BTG4: variants seen among roughly 807,000 people sequenced by gnomAD.
BTG4 encodes BTG anti-proliferation factor 4.
BTG4 carries 10 observed loss-of-function variants against 19.3 expected under a neutral mutation model. That is an observed-to-expected ratio of 0.52 (90% CI 0.32 to 0.88). The LOEUF (loss-of-function observed/expected upper bound fraction) is 0.88. Among genes scored for constraint, BTG4 ranks in the 40% least tolerant of loss-of-function variants. The pLI is 0.04. For synonymous variants in BTG4, 91 were observed against 95.7 expected (o/e 0.95, Z 0.29); for missense variants, 238 against 281.9 (o/e 0.84, Z 1.11).
chr11:111,456,255 C>G, the BTG4 span, among the ~76,000 whole-genome samples: 2 of 152,276 alleles, frequency 1.3e-5, no homozygotes, highest in Admixed American at 6.5e-5. The surrounding 1 kb of genome is among the most constrained non-coding windows in gnomAD (Gnocchi z 4.2). Flanking sequence ...CCGTAGCCCC[C>G]CTGTAGGCTG....
chr11:111,500,075 G>A (rs1012106020), intron 1 of BTG4, among the ~76,000 whole-genome samples: 4 of 151,936 alleles, frequency 2.6e-5, no homozygotes, highest in African/African-American at 9.7e-5. Context: ...CCAGGAGGTG[G>A]AGGATGCAGT....
the BTG4 span, among the ~76,000 whole-genome samples, chr11:111,459,311 C>G: frequency 6.6e-6 from 1 of 152,104 alleles, no homozygotes; most frequent in Non-Finnish European, 1.5e-5. Flanking sequence ...TCTACAGAGT[C>G]CTGAGTTCAG....
chr11:111,490,929 A>C (rs1295710333), downstream of BTG4, among the ~76,000 whole-genome samples: 5 of 152,232 alleles, frequency 3.3e-5, no homozygotes, highest in East Asian at 7.7e-4. Flanking sequence ...CACATTGTCT[A>C]CACAAATGTT....
At chr11:111,473,881 C>T (rs1386005006) in intron 5 of BTG4, among the ~76,000 whole-genome samples, 3 of 152,122 alleles carry the variant, frequency 2.0e-5, no homozygotes, top group African/African-American at 7.2e-5. Flanking sequence ...GGGTTTCTTC[C>T]ACTACACCAC....
At chr11:111,481,259 T>C (rs1292006465) in intron 5 of BTG4, among the ~76,000 whole-genome samples, 24 of 151,904 alleles carry the variant, frequency 1.6e-4, no homozygotes, top group Admixed American at 1.4e-3. Flanking sequence ...ATTTAAATAA[T>C]CCTAAAACTA....
intron 1 of BTG4, among the ~76,000 whole-genome samples, chr11:111,507,138 G>A (rs940523948): frequency 1.7e-4 from 26 of 151,456 alleles, no homozygotes; most frequent in Middle Eastern, 3.5e-3. Context: ...AGCAGACACA[G>A]AGTGATGTTT....
chr11:111,486,937 C>A (rs1034155310), intron 5 of BTG4, among the ~76,000 whole-genome samples: 3 of 151,952 alleles, frequency 2.0e-5, no homozygotes, highest in African/African-American at 7.3e-5. Flanking sequence ...ATTAAGCCCC[C>A]CATGCATTAG....
At chr11:111,458,049 T>C in the BTG4 span, 1 of 152,786 alleles carries the variant, frequency 6.5e-6, no homozygotes, top group Non-Finnish European at 1.5e-5. Context: ...GTGATTGCAG[T>C]GCTTCAGCCG....
chr11:111,481,476 ATATATT>A (rs1565450672), intron 5 of BTG4, among the ~76,000 whole-genome samples: 1 of 151,846 alleles, frequency 6.6e-6, no homozygotes. Flanking sequence ...ATATTGTACT[ATATATT>A]TATAGTATTA....
chr11:111,388,543 G>A, the BTG4 span, among the ~76,000 whole-genome samples: 1 of 152,072 alleles, frequency 6.6e-6, no homozygotes, highest in East Asian at 1.9e-4. Context: ...AACATCCTTT[G>A]TCTAGCTAAA....
chr11:111,461,202 T>C, the BTG4 span, among the ~76,000 whole-genome samples: 177 of 152,276 alleles, frequency 1.2e-3, 1 homozygote, highest in Admixed American at 2.6e-3. Flanking sequence ...GAAACTGTGA[T>C]AAAAGGTATG....
At chr11:111,455,211 G>C in the BTG4 span, 1 of 377,990 alleles carries the variant, frequency 2.6e-6, no homozygotes. Context: ...TGGCCCTAAA[G>C]CTCTTACCTA....
At chr11:111,391,922 C>G in the BTG4 span, among the ~76,000 whole-genome samples, 6 of 152,242 alleles carry the variant, frequency 3.9e-5, no homozygotes, top group African/African-American at 1.2e-4. Context: ...CCCAAGCCAC[C>G]TGGCTCTCAT....
chr11:111,464,925 C>T (rs1050840520), downstream of BTG4, among the ~76,000 whole-genome samples: 6 of 152,292 alleles, frequency 3.9e-5, no homozygotes, highest in South Asian at 2.1e-4. Flanking sequence ...CCCTGCCTTC[C>T]CCATCAAACA....
At chr11:111,400,779 G>C in the BTG4 span, among the ~76,000 whole-genome samples, 9 of 152,168 alleles carry the variant, frequency 5.9e-5, no homozygotes, top group Non-Finnish European at 1.2e-4. Flanking sequence ...TGTCATCTGT[G>C]ACCAGTCATG....
intron 1 of BTG4, among the ~76,000 whole-genome samples, chr11:111,510,990 T>C (rs1866858547): frequency 6.6e-6 from 1 of 152,204 alleles, no homozygotes; most frequent in Middle Eastern, 3.2e-3. Context: ...TTTATAACTA[T>C]CTCCTAACCA....
the BTG4 span, among the ~76,000 whole-genome samples, chr11:111,410,828 C>T: frequency 6.6e-6 from 1 of 152,206 alleles, no homozygotes; most frequent in Admixed American, 6.5e-5. Flanking sequence ...AAATCAGCTC[C>T]TCTTGCAAAT....
the BTG4 span, among the ~76,000 whole-genome samples, chr11:111,422,591 C>A: frequency 6.6e-6 from 1 of 152,196 alleles, no homozygotes; most frequent in Non-Finnish European, 1.5e-5. Context: ...CCAGACCGAG[C>A]CTGGGCATCA....
At chr11:111,509,700 A>AAAAAAAAAAAC (rs1404344322) in intron 1 of BTG4, among the ~76,000 whole-genome samples, 2 of 151,778 alleles carry the variant, frequency 1.3e-5, no homozygotes, top group African/African-American at 4.8e-5. Context: ...CCATCTCAAA[A>AAAAAAAAAAAC]AAAAACAAAA....
Sources: allele counts gnomAD v4.1 joint callset (sites outside exome capture counted in the v4.1 genomes callset), GRCh38; gene constraint gnomAD v4.1.1; non-coding constraint Gnocchi (gnomAD v3.1); transcripts MANE v1.5; gene names NCBI Gene and HGNC (gene_info 2026-07-23, HGNC 2026-07-21).